The following CCBE1 variants were observed in gnomAD, a reference collection of about 807,000 sequenced individuals.
The protein encoded by CCBE1 is collagen and calcium binding EGF domains 1.
A neutral mutation model predicts 50.0 loss-of-function variants in CCBE1; 37 were observed. The observed-to-expected ratio is 0.74, with a 90% CI of 0.57 to 0.97. CCBE1 has a LOEUF of 0.97. Among genes scored for constraint, CCBE1 ranks in the 50% least tolerant of loss-of-function variants. The pLI is 0.00. For missense variants in CCBE1, 538 were observed against 523.8 expected, an observed-to-expected ratio of 1.03 and a Z score of -0.26; for synonymous variants, 234 against 203.7, an observed-to-expected ratio of 1.15 and a Z score of -1.27.
chr18:59,690,807 G>A (rs2054720100), intron 2 of CCBE1, among the ~76,000 whole-genome samples: 1 of 152,186 alleles, frequency 6.6e-6, no homozygotes, highest in South Asian at 2.1e-4. Flanking sequence ...GGAAGGCGGG[G>A]GACCCCCTTT....
chr18:59,646,055 G>A (rs544597534), intron 2 of CCBE1, among the ~76,000 whole-genome samples: 1 of 152,002 alleles, frequency 6.6e-6, no homozygotes, highest in Admixed American at 6.5e-5. Flanking sequence ...AAAAAAAAAG[G>A]TATCAAAAGG....
intron 2 of CCBE1, chr18:59,685,857 C>A (rs1367940774): frequency 3.3e-5 from 5 of 152,196 alleles, no homozygotes; most frequent in African/African-American, 1.2e-4. Context: ...GCATAGGAAG[C>A]ACCTAGTGAC....
chr18:59,640,670 T>C (rs1045011827), intron 2 of CCBE1, among the ~76,000 whole-genome samples: 1 of 151,998 alleles, frequency 6.6e-6, no homozygotes, highest in Non-Finnish European at 1.5e-5. Flanking sequence ...ACAACTTCTA[T>C]AGAGCAAAAG....
intron 2 of CCBE1, among the ~76,000 whole-genome samples, chr18:59,523,542 G>A (rs541564526): frequency 2.0e-5 from 3 of 152,270 alleles, no homozygotes; most frequent in Non-Finnish European, 2.9e-5. Context: ...CAGTGAGCCA[G>A]TGTCTGGTTC....
chr18:59,502,455 G>A (rs1400747535), intron 2 of CCBE1, among the ~76,000 whole-genome samples: 2 of 74,752 alleles, frequency 2.7e-5, no homozygotes, highest in East Asian at 2.2e-3. Context: ...ACATCCCAAG[G>A]GAGGAACAGG....
intron 2 of CCBE1, among the ~76,000 whole-genome samples, chr18:59,629,971 G>A (rs997229274): frequency 6.6e-6 from 1 of 152,158 alleles, no homozygotes; most frequent in African/African-American, 2.4e-5. Flanking sequence ...GGGGCACACT[G>A]CAGTCTGCAG....
At chr18:59,564,740 G>A in intron 2 of CCBE1, among the ~76,000 whole-genome samples, 1 of 152,318 alleles carries the variant, frequency 6.6e-6, no homozygotes, top group Middle Eastern at 3.4e-3. Context: ...GAACACTGAG[G>A]CCATATGAGG....
intron 2 of CCBE1, among the ~76,000 whole-genome samples, chr18:59,537,098 T>G (rs1336563985): frequency 6.6e-6 from 1 of 152,144 alleles, no homozygotes; most frequent in Non-Finnish European, 1.5e-5. Context: ...TCAGGAGACC[T>G]CTGATCTTAT....
intron 2 of CCBE1, among the ~76,000 whole-genome samples, chr18:59,676,659 C>T (rs1450118223): frequency 6.7e-6 from 1 of 149,558 alleles, no homozygotes; most frequent in African/African-American, 2.4e-5. Flanking sequence ...TCAGCCCCTG[C>T]TCTGACATCT....
chr18:59,444,748 A>G (rs543177504), intron 7 of CCBE1, among the ~76,000 whole-genome samples: 14 of 152,004 alleles, frequency 9.2e-5, no homozygotes, highest in African/African-American at 3.4e-4. Context: ...GGCCATCCTA[A>G]TGGGTGTGGG....
rs1234330639 is a variant in CCBE1, at chr18:59,480,222, C to A, written c.229G>T (p.Gly77Ter). The change falls in exon 3 of 11, where the codon GGA (glycine) becomes TGA (stop). Residue 77 changes from glycine (G) to a stop codon, truncating the protein, a stop_gained. Coordinates refer to ENST00000439986, the MANE Select transcript of CCBE1 (RefSeq NM_133459.4). LOFTEE classifies it high-confidence loss of function. ...TTCYRKKCCK[G>*]YKFVLGQCIP... ...CATTGTCCAAGAACAAATTTATATC[C>A]TTTGCAGCACTTTTTCCTAAGAGAC... The A allele has an allele frequency of 1.3e-6, 2 of 1,596,558 alleles. No individual in the cohort carries two copies. Among genetic ancestry groups the A allele is most frequent in the South Asian group, 2.2e-5 (2 of 90,462 alleles).
intron 6 of CCBE1, among the ~76,000 whole-genome samples, chr18:59,450,667 G>A (rs1259541872): frequency 6.6e-6 from 1 of 152,146 alleles, no homozygotes; most frequent in Non-Finnish European, 1.5e-5. Context: ...CCGAGTAGAT[G>A]GAGATTACAG....
intron 4 of CCBE1, 69 bp downstream of exon 4, chr18:59,469,404 A>C (rs1466113807): frequency 2.5e-6 from 4 of 1,603,324 alleles, no homozygotes; most frequent in Non-Finnish European, 3.4e-6. Flanking sequence ...TGAAGGGTCC[A>C]ACCAAGGACA....
chr18:59,642,661 T>C lies in CCBE1; in HGVS notation c.212+53968A>G, dbSNP rs540603353. On this transcript the variant is annotated intron_variant, in intron 2 of 10. Transcript: ENST00000439986. ...GCATCAAAGGAATGATTCTCAAGAA[T>C]ACAATGGGCCGGGCGCGGTGGCTCA... 3.3e-5 allele frequency among the ~76,000 whole-genome samples: 5 copies of C among 152,200 alleles called. No individual in the cohort carries two copies. The South Asian group carries it at 1.0e-3, about 32-fold the overall frequency.
chr18:59,520,085 A>G (rs1476034609), intron 2 of CCBE1, among the ~76,000 whole-genome samples: 1 of 152,118 alleles, frequency 6.6e-6, no homozygotes, highest in Non-Finnish European at 1.5e-5. Context: ...GCCTTGTAGT[A>G]TAGTTTGAAG....
intron 2 of CCBE1, among the ~76,000 whole-genome samples, chr18:59,670,896 C>A (rs2054421329): frequency 6.6e-6 from 1 of 152,110 alleles, no homozygotes; most frequent in Admixed American, 6.5e-5. Context: ...TTCAGTGAGC[C>A]TAGATCACAC....
intron 3 of CCBE1, among the ~76,000 whole-genome samples, chr18:59,473,652 CCTCCCA>C (rs1912145142): frequency 6.7e-6 from 1 of 149,806 alleles, no homozygotes; most frequent in Non-Finnish European, 1.5e-5. Flanking sequence ...ACCTTCCAAC[CCTCCCA>C]CTATTTCCGC....
chr18:59,656,936 C>G (rs1226357034), intron 2 of CCBE1, among the ~76,000 whole-genome samples: 1 of 152,128 alleles, frequency 6.6e-6, no homozygotes, highest in Admixed American at 6.5e-5. Flanking sequence ...AAACTTACTG[C>G]TAAGAAGATG....
At chr18:59,446,442 G>A (rs928465412) in intron 7 of CCBE1, among the ~76,000 whole-genome samples, 2 of 152,202 alleles carry the variant, frequency 1.3e-5, no homozygotes, top group Admixed American at 1.3e-4. Context: ...GGGTGCCTGT[G>A]TGAAGTGTTT....
Sources: allele counts gnomAD v4.1 joint callset (sites outside exome capture counted in the v4.1 genomes callset), GRCh38; gene constraint gnomAD v4.1.1; transcripts MANE v1.5; gene names NCBI Gene and HGNC (gene_info 2026-07-23, HGNC 2026-07-21).